PDE1C: variants seen among roughly 807,000 people sequenced by gnomAD.
The protein encoded by PDE1C is phosphodiesterase 1C.
In PDE1C, 62 loss-of-function variants were observed where a neutral mutation model predicts 93.1. The observed-to-expected ratio is 0.67, with a 90% confidence interval of 0.54 to 0.82. The LOEUF (loss-of-function observed/expected upper bound fraction) is 0.82. Among genes scored for constraint, PDE1C ranks in the 40% least tolerant of loss-of-function variants. The pLI, the probability that PDE1C is intolerant of heterozygous loss-of-function variation, is 0.00. For missense variants in PDE1C, 742 were observed against 884.6 expected (o/e 0.84, Z 2.04); for synonymous variants, 325 against 310.1 (o/e 1.05, Z -0.50).
At chr7:32,092,164 T>TGAGAGAGAGAGA (rs3078655) in intron 3 of PDE1C, among the ~76,000 whole-genome samples, 1 of 148,934 alleles carries the variant, frequency 6.7e-6, no homozygotes, top group Non-Finnish European at 1.5e-5. Context: ...CTTTTGTTCA[T>TGAGAGAGAGAGA]GAGAGAGAGA....
chr7:31,732,070 G>A, the PDE1C span, among the ~76,000 whole-genome samples: 4 of 152,328 alleles, frequency 2.6e-5, no homozygotes, highest in African/African-American at 7.2e-5. Context: ...AGATATTCCC[G>A]CTGGTTGTGC....
chr7:32,070,420 T>C (rs1795906173), upstream of PDE1C: 1 of 1,613,642 alleles, frequency 6.2e-7, no homozygotes, highest in Non-Finnish European at 8.5e-7. Flanking sequence ...CCACTGGCGG[T>C]GAAGCTGAGA....
intron 1 of PDE1C, among the ~76,000 whole-genome samples, chr7:32,276,098 TA>T (rs1811267665): frequency 6.6e-6 from 1 of 152,244 alleles, no homozygotes; most frequent in African/African-American, 2.4e-5. Context: ...ATTACAATAC[TA>T]TTCCTGATAA....
intron 1 of PDE1C, among the ~76,000 whole-genome samples, chr7:32,333,152 CAG>C (rs1783546953): frequency 6.6e-6 from 1 of 152,010 alleles, no homozygotes. Context: ...AGGTCATAGC[CAG>C]AGAGTCAGTG....
chr7:32,051,531 G>A (rs1469094642), intron 2 of PDE1C, 23 bp downstream of exon 2: 1 of 1,612,108 alleles, frequency 6.2e-7, no homozygotes, highest in South Asian at 1.1e-5. Context: ...TCAACCAGTT[G>A]CAGCTCAGAA....
chr7:32,335,791 C>A (rs997640664), intron 1 of PDE1C, among the ~76,000 whole-genome samples: 1 of 152,012 alleles, frequency 6.6e-6, no homozygotes, highest in African/African-American at 2.4e-5. Flanking sequence ...TGCAGTGGTG[C>A]GATCATGGCT....
chr7:32,113,056 C>T (rs555110784), intron 3 of PDE1C, among the ~76,000 whole-genome samples: 1 of 149,348 alleles, frequency 6.7e-6, no homozygotes, highest in South Asian at 2.1e-4. Context: ...AAGGTAAGTG[C>T]ATCAAATCTT....
the PDE1C span, among the ~76,000 whole-genome samples, chr7:31,634,382 T>C: frequency 6.6e-6 from 1 of 152,244 alleles, no homozygotes; most frequent in African/African-American, 2.4e-5. Flanking sequence ...TAACATTATG[T>C]AGCCTATATA....
Position 32,389,548 on chromosome 7 carries a change from T to C in PDE1C, c.310+38274A>G, listed in dbSNP as rs56716862. Among the ~76,000 whole-genome samples, 1,363 of 152,270 alleles carry C rather than the reference T, an allele frequency of 9.0e-3. 13 individuals carry two copies. The highest frequency in any genetic ancestry group is 0.02 in the African/African-American group (833 of 41,550). On this transcript the variant is annotated intron_variant, in intron 1 of 1. Coordinates refer to the PDE1C transcript ENST00000672256. ...CTGACTTGTTATGTAACAAGGAAAG[T>C]TGAAAATGATGACACTTCATGGGAT...
At chr7:32,068,556 G>A (rs1474102354) in intron 1 of PDE1C, among the ~76,000 whole-genome samples, 1 of 152,182 alleles carries the variant, frequency 6.6e-6, no homozygotes, top group Non-Finnish European at 1.5e-5. Flanking sequence ...AGATACAAGA[G>A]ACTAGAAAAT....
chr7:31,642,703 C>G, the PDE1C span: 1 of 1,613,770 alleles, frequency 6.2e-7, no homozygotes, highest in Non-Finnish European at 8.5e-7. Flanking sequence ...GCCAAACAGC[C>G]AGAGTCCTGC....
chr7:31,619,148 G>A, the PDE1C span, among the ~76,000 whole-genome samples: 1 of 152,208 alleles, frequency 6.6e-6, no homozygotes, highest in Non-Finnish European at 1.5e-5. Flanking sequence ...TTCAAAAGCA[G>A]TTTTAGCTGC....
At chr7:32,132,303 T>A (rs1476391737) in intron 3 of PDE1C, among the ~76,000 whole-genome samples, 1 of 152,076 alleles carries the variant, frequency 6.6e-6, no homozygotes, top group African/African-American at 2.4e-5. Flanking sequence ...GACCCTTTTA[T>A]AAGCAAAATG....
chr7:32,270,189 TAATATACTCCAAAA>T (rs769492822), intron 1 of PDE1C, among the ~76,000 whole-genome samples: 16 of 152,076 alleles, frequency 1.1e-4, no homozygotes, highest in Non-Finnish European at 1.6e-4. Flanking sequence ...AAATCTAAAA[TAATATACTCCAAAA>T]TCCGACAGTA....
At chr7:31,821,943 G>A (rs576274801) in intron 14 of PDE1C, among the ~76,000 whole-genome samples, 4 of 152,222 alleles carry the variant, frequency 2.6e-5, no homozygotes, top group Non-Finnish European at 4.4e-5. Context: ...GACACCAGGA[G>A]GGTAAAAATG....
rs1179084336 is a variant in PDE1C, at chr7:31,900,226, T to C, written c.129-19366A>G. Among the ~76,000 whole-genome samples the C allele has an allele frequency of 3.3e-5, 5 of 152,298 alleles. No individual in the cohort carries two copies. In the East Asian group the frequency reaches 9.6e-4, roughly 29 times the overall value. On this transcript the variant is annotated intron_variant, in intron 2 of 17. Transcript: ENST00000396191. ...GTTTTATAAGTCTTTCCAATTTTAT[T>C]TCATATTCTCTCTCATCATATCAAC...
At chr7:32,086,931 G>A (rs1797125596) in intron 3 of PDE1C, among the ~76,000 whole-genome samples, 1 of 151,040 alleles carries the variant, frequency 6.6e-6, no homozygotes, top group African/African-American at 2.4e-5. Context: ...TACCATTCAG[G>A]ACATAGGCAT....
At chr7:31,687,384 A>C in the PDE1C span, 1 of 152,306 alleles carries the variant, frequency 6.6e-6, no homozygotes, top group Non-Finnish European at 1.5e-5. Flanking sequence ...GGGACAAAGA[A>C]GGCTGTAGCT....
intron 1 of PDE1C, among the ~76,000 whole-genome samples, chr7:32,061,879 A>G (rs1219135931): frequency 6.6e-6 from 1 of 152,200 alleles, no homozygotes; most frequent in Non-Finnish European, 1.5e-5. Context: ...CCTTCAGACT[A>G]TTTAGGGGTC....
Sources: gnomAD v4.1 joint callset for allele counts (sites outside exome capture counted in the v4.1 genomes callset) on GRCh38, gnomAD v4.1.1 for gene constraint, MANE v1.5 for transcripts, NCBI Gene and HGNC (gene_info 2026-07-23, HGNC 2026-07-21) for gene names.